The following ARNT2 variants were observed in gnomAD, a reference collection of about 807,000 sequenced individuals.
ARNT2 encodes the protein aryl hydrocarbon receptor nuclear translocator 2, also known as ARNT protein 2.
ARNT2 carries 36 observed loss-of-function variants against 91.7 expected under a neutral mutation model. The ratio of observed to expected loss-of-function variants is 0.39; its 90% confidence interval spans 0.30 to 0.52. The LOEUF is 0.52. Among genes scored for constraint, ARNT2 ranks in the 20% least tolerant of loss-of-function variants. The pLI, the probability that ARNT2 is intolerant of heterozygous loss-of-function variation, is 0.72. For synonymous variants in ARNT2, 365 were observed against 347.1 expected (o/e 1.05, Z -0.57); for missense variants, 775 against 939.3 (o/e 0.83, Z 2.29).
At chr15:80,485,260 A>G (rs137919990) in intron 5 of ARNT2, among the ~76,000 whole-genome samples, 10 of 152,208 alleles carry the variant, frequency 6.6e-5, no homozygotes, top group Non-Finnish European at 1.5e-4. Context: ...CAAAAGTGTG[A>G]CATGTGCTTG....
intron 16 of ARNT2, 28 bp downstream of exon 16, chr15:80,580,577 CT>C (rs1053085399): frequency 3.7e-6 from 6 of 1,613,170 alleles, no homozygotes; most frequent in Middle Eastern, 1.9e-4. Flanking sequence ...GGCATCTCCC[CT>C]GGGTGACCAG....
intron 8 of ARNT2, among the ~76,000 whole-genome samples, chr15:80,545,894 G>T (rs940029877): frequency 6.6e-6 from 1 of 152,280 alleles, no homozygotes; most frequent in South Asian, 2.1e-4. Context: ...CTTCACCCCG[G>T]AAGGATACAG....
chr15:80,472,295 G>A (rs977287733), intron 4 of ARNT2, among the ~76,000 whole-genome samples: 2 of 152,162 alleles, frequency 1.3e-5, no homozygotes, highest in Non-Finnish European at 2.9e-5. Context: ...GACAGAGACA[G>A]TATTGGCATA....
At chr15:80,516,744 G>A (rs1897439241) in intron 8 of ARNT2, among the ~76,000 whole-genome samples, 1 of 144,014 alleles carries the variant, frequency 6.9e-6, no homozygotes, top group African/African-American at 2.6e-5. Context: ...CTCTTTTTTT[G>A]CCTTTTTTAA....
intron 4 of ARNT2, among the ~76,000 whole-genome samples, chr15:80,472,991 C>T (rs1896752711): frequency 6.6e-6 from 1 of 152,092 alleles, no homozygotes; most frequent in African/African-American, 2.4e-5. Context: ...GTCAGATGAG[C>T]CCTACCTTTG....
intron 1 of ARNT2, among the ~76,000 whole-genome samples, chr15:80,424,374 A>G (rs911777778): frequency 1.3e-5 from 2 of 151,812 alleles, no homozygotes; most frequent in Non-Finnish European, 2.9e-5. Context: ...TTTGCACACC[A>G]CTCCCATGAG....
At chr15:80,571,870 T>C (rs755525100) in intron 12 of ARNT2, among the ~76,000 whole-genome samples, 15 of 152,228 alleles carry the variant, frequency 9.9e-5, no homozygotes, top group Non-Finnish European at 2.2e-4. Context: ...CACTTGCCAG[T>C]TGGCCAACTT....
intron 1 of ARNT2, among the ~76,000 whole-genome samples, chr15:80,409,119 G>C (rs1455972279): frequency 6.6e-6 from 1 of 152,168 alleles, no homozygotes; most frequent in Non-Finnish European, 1.5e-5. Flanking sequence ...ATTCACTCTT[G>C]ATGGTTGGTA....
intron 1 of ARNT2, among the ~76,000 whole-genome samples, chr15:80,407,663 C>A (rs1036736209): frequency 6.6e-6 from 1 of 151,992 alleles, no homozygotes. Context: ...TGACATATAT[C>A]CTTTAGACTA....
chr15:80,456,053 G>A (rs1208972096), intron 2 of ARNT2, among the ~76,000 whole-genome samples: 1 of 152,168 alleles, frequency 6.6e-6, no homozygotes, highest in Non-Finnish European at 1.5e-5. Flanking sequence ...CATTTTTGGT[G>A]CTTACCTTCG....
At chr15:80,549,668 G>A (rs1161400560) in intron 8 of ARNT2, among the ~76,000 whole-genome samples, 22 of 152,342 alleles carry the variant, frequency 1.4e-4, no homozygotes, top group Admixed American at 1.4e-3. Flanking sequence ...CTTCTCACCT[G>A]TCAGACTGAC....
chr15:80,552,924 C>T (rs922735001), intron 10 of ARNT2, 150 bp downstream of exon 10: 5 of 975,530 alleles, frequency 5.1e-6, no homozygotes, highest in Non-Finnish European at 7.2e-6. Flanking sequence ...GATAGATATC[C>T]TTCCAAGGCA....
At chr15:80,412,453 T>G (rs1024782956) in intron 1 of ARNT2, among the ~76,000 whole-genome samples, 7 of 152,136 alleles carry the variant, frequency 4.6e-5, no homozygotes, top group Non-Finnish European at 8.8e-5. Context: ...CACCCATAAC[T>G]AACATTTTTG....
intron 1 of ARNT2, 54 bp from the exon 2 acceptor site, chr15:80,450,826 C>T (rs1192200363): frequency 1.1e-5 from 18 of 1,576,210 alleles, no homozygotes; most frequent in South Asian, 6.7e-5. Context: ...CTTTCTTGCC[C>T]GTTACTGGGC....
At chr15:80,513,685 G>A (rs548573048) in intron 6 of ARNT2, among the ~76,000 whole-genome samples, 1 of 125,914 alleles carries the variant, frequency 7.9e-6, no homozygotes, top group South Asian at 2.5e-4. Flanking sequence ...TTCAGTGTGT[G>A]TTGTAATGTG....
chr15:80,593,014 G>A (rs1275623705), intron 18 of ARNT2, among the ~76,000 whole-genome samples: 1 of 152,218 alleles, frequency 6.6e-6, no homozygotes, highest in Non-Finnish European at 1.5e-5. Context: ...TATCACATGG[G>A]CTGAGAATTC....
intron 5 of ARNT2, among the ~76,000 whole-genome samples, chr15:80,489,724 T>C (rs767868575): frequency 3.9e-5 from 6 of 152,210 alleles, no homozygotes; most frequent in Non-Finnish European, 7.3e-5. Flanking sequence ...AGTTTGAAGT[T>C]ATCCCCAGTA....
At chr15:80,449,824 C>G (rs1350614973) in intron 1 of ARNT2, among the ~76,000 whole-genome samples, 2 of 152,194 alleles carry the variant, frequency 1.3e-5, no homozygotes, top group African/African-American at 4.8e-5. Flanking sequence ...TCAACATCAC[C>G]AGGCATCTCT....
rs1327225255 is a variant in ARNT2 at position 80,472,250 on chromosome 15, G to A, written c.408+1819G>A. On this transcript the variant is annotated intron_variant, in intron 4 of 18. Coordinates refer to ENST00000303329, the MANE Select transcript of ARNT2 (RefSeq NM_014862.4). ...CGTGTGGCCAAGCTGAAATAGAGTG[G>A]AAGTGTCCTGGTATTATCAAGAGGG... Among the ~76,000 whole-genome samples the A allele has an allele frequency of 1.3e-5, 2 of 152,110 alleles. 1 individual carries two copies. The highest frequency in any genetic ancestry group is 1.3e-4 in the Admixed American group (2 of 15,282).
Sources: allele counts gnomAD v4.1 joint callset (sites outside exome capture counted in the v4.1 genomes callset), GRCh38; gene constraint gnomAD v4.1.1; transcripts MANE v1.5; gene names NCBI Gene and HGNC (gene_info 2026-07-23, HGNC 2026-07-21).